TTYH1: variants seen among roughly 807,000 people sequenced by gnomAD.
TTYH1 encodes the protein tweety family member 1, also known as protein tweety homolog 1.
A neutral mutation model predicts 61.2 loss-of-function variants in TTYH1; 33 were observed. The ratio of observed to expected loss-of-function variants is 0.54; its 90% CI spans 0.41 to 0.72. The LOEUF (loss-of-function observed/expected upper bound fraction) is 0.72, where lower values mean the gene tolerates loss of function less well. Among genes scored for constraint, TTYH1 ranks in the 30% least tolerant of loss-of-function variants. TTYH1 has a pLI of 0.00. For synonymous variants in TTYH1, 308 were observed against 266.4 expected, an observed-to-expected ratio of 1.16 and a Z score of -1.52; for missense variants, 538 against 575.8, an observed-to-expected ratio of 0.93 and a Z score of 0.67.
At chr19:54,424,613 G>A (rs915120185) in intron 4 of TTYH1, among the ~76,000 whole-genome samples, 5 of 152,228 alleles carry the variant, frequency 3.3e-5, no homozygotes, top group Non-Finnish European at 1.5e-5. Context: ...GCAGGGAAGT[G>A]GTGGGAGCCA....
chr19:54,416,498 CT>C lies in TTYH1; in HGVS notation c.126+821del. The C allele has an allele frequency of 3.3e-6, 1 of 304,830 alleles. No individual in the cohort carries two copies. The highest frequency in any genetic ancestry group is 2.5e-5 in the South Asian group (1 of 39,396). The allele number at this position is 304,830 out of a possible 1,614,324, so 18.9% of individuals were successfully genotyped here. Reference sequence around the variant, plus strand: ...TAATGAGGAGAAAGGCTTGGCTGAGCTGGGGACGGGTGGGGGTGCTGGGAGT... The same window carrying C: ...TAATGAGGAGAAAGGCTTGGCTGAGCGGGGACGGGTGGGGGTGCTGGGAGT... On this transcript the variant is annotated intron_variant, in intron 1 of 13. Transcript: ENST00000376530. This position sits in a 1 kb window ranked among gnomAD's most constrained non-coding sequence, Gnocchi z 7.0.
chr19:54,433,790 C>G (rs1163371763), intron 10 of TTYH1: 1 of 152,040 alleles, frequency 6.6e-6, no homozygotes, highest in Non-Finnish European at 1.5e-5. Flanking sequence ...AGAGAATCAG[C>G]TCCAATATCG....
chr19:54,430,469 C>A (rs927778600), intron 7 of TTYH1, 81 bp from the exon 8 acceptor site: 3 of 1,500,114 alleles, frequency 2.0e-6, no homozygotes, highest in Middle Eastern at 1.7e-4. Context: ...CCCTGCTAAC[C>A]CCCCAGTGCC....
At chr19:54,427,588 AGT>A (rs2083352048) in intron 5 of TTYH1, among the ~76,000 whole-genome samples, 1 of 147,324 alleles carries the variant, frequency 6.8e-6, no homozygotes, top group Non-Finnish European at 1.5e-5. Context: ...TGGGCGACAC[AGT>A]GAGACTCCAT....
In TTYH1 at chr19:54,429,864, T is replaced by G; in HGVS notation, c.808-18T>G. ...GGGCAGTTTTGGGTTTGAGCCCCTT[T>G]TCTGCTGCCTCACGCAGGGCCTCAG... is the stretch of plus-strand genomic sequence containing the variant. On this transcript the variant is annotated intron_variant, in intron 6 of 13. Coordinates refer to ENST00000376530, the MANE Select transcript of TTYH1 (RefSeq NM_020659.4). This position sits in a 1 kb window ranked among gnomAD's most constrained non-coding sequence, Gnocchi z 5.1. 1 of 1,613,114 alleles carries G rather than the reference T, an allele frequency of 6.2e-7. No individual in the cohort carries two copies.
At position 54,422,192 on chromosome 19, in the gene TTYH1, G is replaced by T; in HGVS notation, c.420G>T (p.Val140=). 1 of 1,559,264 alleles carries T rather than the reference G, an allele frequency of 6.4e-7. No individual in the cohort carries two copies. Among genetic ancestry groups the T allele is most frequent in the African/African-American group, 1.3e-5 (1 of 74,274 alleles). ...CTCAGCCCCTGTCCTATCCCCAGGT[G>T]TTGGAGACGGTGGAGAGGCTGGGCG... is the stretch of plus-strand genomic sequence containing the variant. ...NHTLSTIDHL[V]LETVERLGEA... is the part of the protein sequence containing the mutation. Residue 140 remains valine, a splice_region_variant and synonymous_variant, in exon 4 of 14, where the codon GTG becomes GTT. Transcript: ENST00000376530.
chr19:54,425,247 G>C (rs1427523399), intron 4 of TTYH1, among the ~76,000 whole-genome samples: 1 of 152,170 alleles, frequency 6.6e-6, no homozygotes, highest in Non-Finnish European at 1.5e-5. Context: ...GTCTGCGACG[G>C]CGGCAAACAG....
At position 54,436,219 on chromosome 19, in the gene TTYH1, C is replaced by T. The variant is rs772080544; in HGVS notation, c.*42+48C>T. On this transcript the variant is annotated intron_variant, in intron 13 of 13. Transcript: ENST00000376530. The surrounding 1 kb of genome is among the most constrained non-coding windows in gnomAD (Gnocchi z 4.3). ...AGCTCCTGCAGCCGGGCCTCTGCCC[C>T]CCTCCCGCCCTCCGAGCTGCTCCAG... is the stretch of plus-strand genomic sequence containing the variant. 3.7e-6 allele frequency: 6 copies of T among 1,606,688 alleles called. No individual in the cohort carries two copies. The highest frequency in any genetic ancestry group is 3.3e-5 in the South Asian group (3 of 90,754).
In TTYH1 at chr19:54,415,577, C is replaced by T; in HGVS notation, c.25C>T (p.Pro9Ser). The T allele has an allele frequency of 6.6e-7, 1 of 1,506,958 alleles. No homozygotes were observed. 93.3% of individuals were successfully genotyped at this position (1,506,958 alleles called of 1,614,324 possible). The change falls in exon 1 of 14, where the codon CCC becomes TCC. Residue 9 changes from proline (P) to serine (S), a missense_variant. Coordinates refer to ENST00000376530, the MANE Select transcript of TTYH1 (RefSeq NM_020659.4). The surrounding 1 kb of genome is among the most constrained non-coding windows in gnomAD (Gnocchi z 5.2). MGAPPGYR[P>S]SAWVHLLHQL... ...CATGGGGGCGCCCCCGGGCTACCGG[C>T]CCTCAGCTTGGGTGCATCTCCTCCA...
intron 5 of TTYH1, among the ~76,000 whole-genome samples, chr19:54,428,302 T>C (rs1249577433): frequency 1.3e-5 from 2 of 151,906 alleles, no homozygotes; most frequent in Non-Finnish European, 2.9e-5. Context: ...TTGGTCAGGA[T>C]GGTCTCAAAC....
chr19:54,429,783 G>A lies in TTYH1; in HGVS notation c.808-99G>A. 9.6e-7 allele frequency: 1 copy of A among 1,043,252 alleles called. No homozygotes were observed. 64.6% of individuals were successfully genotyped at this position (1,043,252 alleles called of 1,614,324 possible). A position where few individuals can be genotyped will look rare whatever the true frequency, so the allele number is the denominator to read the frequency against. On this transcript the variant is annotated intron_variant, in intron 6 of 13. Transcript: ENST00000376530. The surrounding 1 kb of genome is among the most constrained non-coding windows in gnomAD (Gnocchi z 5.1). ...AAGAGGGGCTGGGACCTGGACCCCT[G>A]GGTGGGGAGGGGAGCTGGGGAGCCA...
rs768683157 is a variant in TTYH1, at chr19:54,419,253, G to C, written c.252G>C (p.Ser84=). 1.2e-6 allele frequency: 2 copies of C among 1,607,144 alleles called. No homozygotes were observed. Among genetic ancestry groups the C allele is most frequent in the Admixed American group, 1.7e-5 (1 of 59,956 alleles). The part of the protein sequence containing the change: ...PPEPPGSKIP[S]PGGGCVTWSC... ...AGCCCCCCGGGTCCAAGATCCCCTC[G>C]CCCGGGGGAGGCTGCGTCACCTGGA... Residue 84 remains serine, a synonymous_variant, in exon 2 of 14, where the codon TCG becomes TCC. Coordinates refer to ENST00000376530, the MANE Select transcript of TTYH1 (RefSeq NM_020659.4). This position sits in a 1 kb window ranked among gnomAD's most constrained non-coding sequence, Gnocchi z 6.1.
rs1490697667 is a variant in TTYH1, at chr19:54,421,659, C to T, written c.417+271C>T. On this transcript the variant is annotated intron_variant, in intron 3 of 13. Transcript: ENST00000376530. This position sits in a 1 kb window ranked among gnomAD's most constrained non-coding sequence, Gnocchi z 4.8. ...GAAACCAAGCACCAGCGACACCAGC[C>T]CCTGTCCACGGGCCAGATCCAGGGC... Among the ~76,000 whole-genome samples the T allele has an allele frequency of 6.6e-6, 1 of 152,072 alleles. No individual in the cohort carries two copies. The highest frequency in any genetic ancestry group is 3.2e-3 in the Middle Eastern group (1 of 316).
chr19:54,431,198 C>G lies in TTYH1; in HGVS notation c.1125+7C>G. On this transcript the variant is annotated splice_region_variant and intron_variant, in intron 10 of 13. Transcript: ENST00000376530. ...CTGCCGCAGCCTGCACAAGGTGAAGCCCCTCCCCTCCCAATTTCTTCTCCC... is the reference window on the plus strand; with the variant it reads ...CTGCCGCAGCCTGCACAAGGTGAAGGCCCTCCCCTCCCAATTTCTTCTCCC... The G allele has an allele frequency of 6.2e-7, 1 of 1,605,560 alleles. No individual in the cohort carries two copies. Among genetic ancestry groups the G allele is most frequent in the Non-Finnish European group, 8.5e-7 (1 of 1,172,460 alleles).
In TTYH1 at chr19:54,416,991, C is replaced by A. The variant is rs1244961314; in HGVS notation, c.126+1313C>A. On this transcript the variant is annotated intron_variant, in intron 1 of 13. Transcript: ENST00000376530. The surrounding 1 kb of genome is among the most constrained non-coding windows in gnomAD (Gnocchi z 7.0). Reference sequence around the variant, plus strand: ...GGTCAGGGTCAGGGTGGCAGGGATGCGCGGGCAGAGCCCCACAGCCGAGGA... The same window carrying A: ...GGTCAGGGTCAGGGTGGCAGGGATGAGCGGGCAGAGCCCCACAGCCGAGGA... 1 of 1,201,364 alleles carries A rather than the reference C, an allele frequency of 8.3e-7. No individual in the cohort carries two copies. The highest frequency in any genetic ancestry group is 3.2e-5 in the Admixed American group (1 of 31,586). 74.4% of individuals were successfully genotyped at this position (1,201,364 alleles called of 1,614,324 possible).
In TTYH1 at chr19:54,416,918, G is replaced by A. The variant is rs1371499628; in HGVS notation, c.126+1240G>A. Reference sequence around the variant, plus strand: ...GCGGGGATCCGCGGCCCCAGTCACCGCCAGAGGCACGGGTTTGGGGGAGCC... The same window carrying A: ...GCGGGGATCCGCGGCCCCAGTCACCACCAGAGGCACGGGTTTGGGGGAGCC... On this transcript the variant is annotated intron_variant, in intron 1 of 13. Transcript: ENST00000376530. This position sits in a 1 kb window ranked among gnomAD's most constrained non-coding sequence, Gnocchi z 7.0. The A allele has an allele frequency of 1.6e-6, 2 of 1,282,112 alleles. No homozygotes were observed. Among genetic ancestry groups the A allele is most frequent in the South Asian group, 1.3e-5 (1 of 79,880 alleles). The allele number at this position is 1,282,112 out of a possible 1,614,324, so 79.4% of individuals were successfully genotyped here.
At chr19:54,430,708 G>A in intron 8 of TTYH1, 103 bp downstream of exon 8, 3 of 1,578,838 alleles carry the variant, frequency 1.9e-6, no homozygotes, top group Non-Finnish European at 2.6e-6. Context: ...CCTGGGTTCC[G>A]GGGAGGATGC....
chr19:54,415,600 C>T lies in TTYH1; in HGVS notation c.48C>T (p.Leu16=). Residue 16 remains leucine, a synonymous_variant, in exon 1 of 14, where the codon CTC becomes CTT. Transcript: ENST00000376530. This position sits in a 1 kb window ranked among gnomAD's most constrained non-coding sequence, Gnocchi z 5.2. ...GGCCCTCAGCTTGGGTGCATCTCCT[C>T]CACCAGCTGCCCCGCGCCGACTTCC... ...GYRPSAWVHL[L]HQLPRADFQL... 1.3e-6 allele frequency: 2 copies of T among 1,550,416 alleles called. No individual in the cohort carries two copies. Among genetic ancestry groups the T allele is most frequent in the South Asian group, 1.2e-5 (1 of 83,382 alleles).
intron 10 of TTYH1, chr19:54,431,464 C>T (rs1432645952): frequency 9.6e-6 from 5 of 520,636 alleles, no homozygotes; most frequent in Non-Finnish European, 1.4e-5. Flanking sequence ...CCACCCTCCC[C>T]GTCCCTTCCT....
Sources: gnomAD v4.1 joint callset for allele counts (sites outside exome capture counted in the v4.1 genomes callset) on GRCh38, gnomAD v4.1.1 for gene constraint, Gnocchi (gnomAD v3.1) non-coding constraint, MANE v1.5 for transcripts, NCBI Gene and HGNC (gene_info 2026-07-23, HGNC 2026-07-21) for gene names.